AGFG2: variants seen among roughly 807,000 people sequenced by gnomAD.
The protein encoded by AGFG2 is ArfGAP with FG repeats 2.
In AGFG2, 31 loss-of-function variants were observed where a neutral mutation model predicts 48.0. That is an observed-to-expected ratio of 0.65 (90% CI 0.49 to 0.87). The LOEUF (loss-of-function observed/expected upper bound fraction) is 0.87, where lower values mean the gene tolerates loss of function less well. Among genes scored for constraint, AGFG2 ranks in the 40% least tolerant of loss-of-function variants. The pLI is 0.00. For missense variants in AGFG2, 599 were observed against 632.6 expected (o/e 0.95, Z 0.57); for synonymous variants, 229 against 260.8 (o/e 0.88, Z 1.18).
chr7:100,546,465 C>T (rs565322468), intron 1 of AGFG2, among the ~76,000 whole-genome samples: 1 of 152,316 alleles, frequency 6.6e-6, no homozygotes, highest in South Asian at 2.1e-4. Context: ...GTCACGTTCT[C>T]CCTGATCCAT....
At chr7:100,548,278 C>T (rs913480833) in intron 1 of AGFG2, among the ~76,000 whole-genome samples, 7 of 151,960 alleles carry the variant, frequency 4.6e-5, no homozygotes, top group African/African-American at 1.7e-4. Flanking sequence ...ACTCTCTCTT[C>T]CCTGTCTCTT....
At chr7:100,549,851 C>G (rs1800591772) in intron 2 of AGFG2, among the ~76,000 whole-genome samples, 1 of 152,144 alleles carries the variant, frequency 6.6e-6, no homozygotes. Flanking sequence ...TGCCACCATG[C>G]TCCACTAATT....
Position 100,562,159 on chromosome 7 carries a change from T to A in AGFG2, c.878-100T>A. ...AACCCAGCAGGCACCTGTCATGCCA[T>A]GACTCCAATCCATCACCACCACCAC... On this transcript the variant is annotated intron_variant, in intron 6 of 11. Coordinates refer to ENST00000300176, the MANE Select transcript of AGFG2 (RefSeq NM_006076.5). The surrounding 1 kb of genome is among the most constrained non-coding windows in gnomAD (Gnocchi z 5.4). 6.7e-7 allele frequency: 1 copy of A among 1,489,864 alleles called. No homozygotes were observed. Among genetic ancestry groups the A allele is most frequent in the Middle Eastern group, 1.8e-4 (1 of 5,632 alleles). 92.3% of individuals were successfully genotyped at this position (1,489,864 alleles called of 1,614,324 possible).
At chr7:100,539,638 T>A in intron 1 of AGFG2, 71 bp downstream of exon 1, 2 of 1,059,050 alleles carry the variant, frequency 1.9e-6, no homozygotes, top group Non-Finnish European at 2.3e-6. Flanking sequence ...AGGCCGGGGC[T>A]CCGGGGCGCG....
rs200926772 is a variant in AGFG2, at chr7:100,550,863, AT to A, written c.431+367del. ...TATTCCTTTAACCCATCATTTTATG[AT>A]TTTTTTTTTTTTTTGAGACAAGGTC... On this transcript the variant is annotated intron_variant, in intron 3 of 11. Transcript: ENST00000300176. 2.8e-3 allele frequency among the ~76,000 whole-genome samples: 372 copies of A among 133,898 alleles called. 1 individual carries two copies. Among genetic ancestry groups the A allele is most frequent in the Non-Finnish European group, 3.2e-3 (201 of 61,876 alleles). 87.8% of individuals were successfully genotyped at this position (133,898 alleles called of 152,430 possible).
At chr7:100,561,815 G>A (rs1363364961) in intron 6 of AGFG2, among the ~76,000 whole-genome samples, 1 of 152,314 alleles carries the variant, frequency 6.6e-6, no homozygotes, top group African/African-American at 2.4e-5. Flanking sequence ...CAGGCCAGGA[G>A]CCTCCTGAGT....
At chr7:100,541,446 A>T (rs1800419175) in intron 1 of AGFG2, among the ~76,000 whole-genome samples, 1 of 152,086 alleles carries the variant, frequency 6.6e-6, no homozygotes, top group African/African-American at 2.4e-5. Flanking sequence ...AGAGTGGGTG[A>T]AGAACTCTGG....
In AGFG2 at chr7:100,553,353, C is replaced by G; in HGVS notation, c.438C>G (p.Val146=). 6.2e-7 allele frequency: 1 copy of G among 1,613,942 alleles called. No individual in the cohort carries two copies. Among genetic ancestry groups the G allele is most frequent in the East Asian group, 2.2e-5 (1 of 44,874 alleles). Residue 146 remains valine, a synonymous_variant, in exon 4 of 12, where the codon GTC becomes GTG. Coordinates refer to ENST00000300176, the MANE Select transcript of AGFG2 (RefSeq NM_006076.5). The part of the protein sequence containing the change: ...QEKYEKKRWY[V]PPDQVKGPTY... ...TAACTATTCTTTCTCAAAGGTATGT[C>G]CCCCCAGACCAAGTCAAGGGGCCCA...
intron 9 of AGFG2, 122 bp from the exon 10 acceptor site, chr7:100,563,712 C>T (rs1366607412): frequency 7.0e-7 from 1 of 1,437,946 alleles, no homozygotes; most frequent in East Asian, 2.3e-5. Context: ...GGCTGGGTCC[C>T]TCGTTCCTCA....
chr7:100,550,305 CAAAAAAAAAA>C (rs61255061), intron 2 of AGFG2, 81 bp from the exon 3 acceptor site: 10 of 297,544 alleles, frequency 3.4e-5, no homozygotes, highest in African/African-American at 2.7e-4. Context: ...GACTCCGTCT[CAAAAAAAAAA>C]AAAAAAAAAA....
rs1801033331 is a variant in AGFG2, at chr7:100,567,328, ACATTGCCTGGTAG to A, written c.*2339_*2351del. The stretch of plus-strand genomic sequence containing the variant: ...CCTGGCTTGAGAGGAAATGGAGAAA[ACATTGCCTGGTAG>A]CTGCAGATTCAAACCCACCACACAC... On this transcript the variant is annotated 3_prime_UTR_variant, in exon 12 of 12. Transcript: ENST00000300176. 6.5e-6 allele frequency: 1 copy of A among 152,880 alleles called. No individual in the cohort carries two copies. The highest frequency in any genetic ancestry group is 1.5e-5 in the Non-Finnish European group (1 of 68,314). The allele number at this position is 152,880 out of a possible 1,614,324, so 9.5% of individuals were successfully genotyped here. A position where few individuals can be genotyped will look rare whatever the true frequency, so the allele number is the denominator to read the frequency against.
At chr7:100,548,458 G>A (rs1584382215) in intron 1 of AGFG2, among the ~76,000 whole-genome samples, 1 of 152,068 alleles carries the variant, frequency 6.6e-6, no homozygotes, top group Admixed American at 6.6e-5. Context: ...GATTACAGGC[G>A]TGCACTACCA....
rs1474368833 is a variant in AGFG2, at chr7:100,568,125, T to A, written c.*3134T>A. ...CAGGGTGGTTTGGAGCTGGTCACTG[T>A]CATAGCAGCTGTGATTTCACAAGGA... is the stretch of plus-strand genomic sequence containing the variant. On this transcript the variant is annotated 3_prime_UTR_variant, in exon 12 of 12. Transcript: ENST00000300176. 2 of 152,652 alleles carry A rather than the reference T, an allele frequency of 1.3e-5. No homozygotes were observed. Among genetic ancestry groups the A allele is most frequent in the Non-Finnish European group, 2.9e-5 (2 of 68,072 alleles). The allele number at this position is 152,652 out of a possible 1,614,324, so 9.5% of individuals were successfully genotyped here. A position where few individuals can be genotyped will look rare whatever the true frequency, so the allele number is the denominator to read the frequency against.
chr7:100,551,070 C>CTT (rs1180012460), intron 3 of AGFG2, among the ~76,000 whole-genome samples: 3 of 43,370 alleles, frequency 6.9e-5, no homozygotes, highest in East Asian at 7.9e-4. Context: ...ATATATATTT[C>CTT]TTTTTTTTTT....
chr7:100,553,495 A>G lies in AGFG2; in HGVS notation c.580A>G (p.Ser194Gly). The G allele has an allele frequency of 6.3e-7, 1 of 1,596,160 alleles. No homozygotes were observed. The highest frequency in any genetic ancestry group is 8.6e-7 in the Non-Finnish European group (1 of 1,167,448). ...TCTCTCAGTTGCTGCCTCCACCTCG[A>G]GCCAGGTAACTCTCAGATCTGCTCG... ...PSLSVAASTS[S>G]QPVSQSHART... The change falls in exon 4 of 12, where the codon AGC becomes GGC. Residue 194 changes from serine (S) to glycine (G), a missense_variant. By Grantham distance (56) the Ser-to-Gly change is moderately conservative. Coordinates refer to ENST00000300176, the MANE Select transcript of AGFG2 (RefSeq NM_006076.5).
At position 100,553,511 on chromosome 7, in the gene AGFG2, G is replaced by A. The variant is rs369638728; in HGVS notation, c.585+11G>A. ...TCCACCTCGAGCCAGGTAACTCTCAGATCTGCTCGTCATGTTTCTTTTGAG... is the reference window on the plus strand; with the variant it reads ...TCCACCTCGAGCCAGGTAACTCTCAAATCTGCTCGTCATGTTTCTTTTGAG... On this transcript the variant is annotated intron_variant, in intron 4 of 11. Transcript: ENST00000300176. 8.3e-5 allele frequency: 132 copies of A among 1,584,724 alleles called. No homozygotes were observed. Among genetic ancestry groups the A allele is most frequent in the Non-Finnish European group, 1.1e-4 (129 of 1,162,414 alleles).
At chr7:100,558,617 C>G (rs941669298) in intron 6 of AGFG2, among the ~76,000 whole-genome samples, 1 of 151,152 alleles carries the variant, frequency 6.6e-6, no homozygotes, top group African/African-American at 2.4e-5. Context: ...TCTCGGCTCA[C>G]TGCAAACTCC....
chr7:100,543,498 G>T (rs1177310816), intron 1 of AGFG2, among the ~76,000 whole-genome samples: 2 of 152,156 alleles, frequency 1.3e-5, no homozygotes, highest in Non-Finnish European at 2.9e-5. Flanking sequence ...TGTTCAGTGG[G>T]TTACAAATAT....
rs1215913067 is a variant in AGFG2, at chr7:100,567,410, G to C, written c.*2419G>C. ...CTCACCTGGGCTCACACCAACTTCT[G>C]GCCAATGCAGGGACCATGCTCTGCA... On this transcript the variant is annotated 3_prime_UTR_variant, in exon 12 of 12. Transcript: ENST00000300176. 6.5e-6 allele frequency: 1 copy of C among 152,826 alleles called. No individual in the cohort carries two copies. Among genetic ancestry groups the C allele is most frequent in the Non-Finnish European group, 1.5e-5 (1 of 68,190 alleles). 9.5% of individuals were successfully genotyped at this position (152,826 alleles called of 1,614,324 possible). A position where few individuals can be genotyped will look rare whatever the true frequency, so the allele number is the denominator to read the frequency against.
Sources: allele counts gnomAD v4.1 joint callset (sites outside exome capture counted in the v4.1 genomes callset), GRCh38; gene constraint gnomAD v4.1.1; non-coding constraint Gnocchi (gnomAD v3.1); transcripts MANE v1.5; gene names NCBI Gene and HGNC (gene_info 2026-07-23, HGNC 2026-07-21).